KDM4C: variants seen among roughly 807,000 people sequenced by gnomAD.
KDM4C encodes lysine demethylase 4C, also known as lysine-specific demethylase 4C.
KDM4C carries 81 observed loss-of-function variants against 129.3 expected under a neutral mutation model. The ratio of observed to expected loss-of-function variants is 0.63; its 90% confidence interval spans 0.52 to 0.75. The LOEUF (loss-of-function observed/expected upper bound fraction) is 0.75. Ranked by LOEUF, KDM4C falls within the 30% of genes least tolerant of loss-of-function variation. The pLI is 0.00. For missense variants in KDM4C, 1,457 were observed against 1,304.0 expected (o/e 1.12, Z -1.81); for synonymous variants, 573 against 456.1 (o/e 1.26, Z -3.26).
chr9:7,006,188 T>A (rs1402427425), intron 12 of KDM4C, among the ~76,000 whole-genome samples: 3 of 152,210 alleles, frequency 2.0e-5, no homozygotes, highest in Non-Finnish European at 4.4e-5. Flanking sequence ...AGTAGAAAAC[T>A]TTTGGAGTTT....
At chr9:7,159,063 T>A (rs1016951310) in intron 19 of KDM4C, among the ~76,000 whole-genome samples, 6 of 152,186 alleles carry the variant, frequency 3.9e-5, no homozygotes, top group Non-Finnish European at 5.9e-5. Context: ...GTTAGCTCTT[T>A]TTGTTGAATT....
rs1395646827 is a variant in KDM4C, at chr9:6,851,816, G to C, written c.629+2116G>C. Among the ~76,000 whole-genome samples the C allele has an allele frequency of 2.0e-5, 3 of 152,116 alleles. 1 individual carries two copies. Among genetic ancestry groups the C allele is most frequent in the Admixed American group, 1.3e-4 (2 of 15,282 alleles). ...TCTGGTCAGGGCTAAGATGGATTCT[G>C]GTGTCTTGTGTCTTTGGGAAAGAGC... On this transcript the variant is annotated intron_variant, in intron 5 of 21. Transcript: ENST00000381309.
chr9:7,112,697 C>A (rs890344811), intron 18 of KDM4C, among the ~76,000 whole-genome samples: 1 of 152,160 alleles, frequency 6.6e-6, no homozygotes, highest in African/African-American at 2.4e-5. Flanking sequence ...CTTTCAGTTT[C>A]CTTTTTATTT....
chr9:6,747,357 C>G (rs1366128899), intron 1 of KDM4C, among the ~76,000 whole-genome samples: 4 of 151,574 alleles, frequency 2.6e-5, no homozygotes, highest in Admixed American at 6.6e-5. Flanking sequence ...ACCATCCTGG[C>G]TAATACGGTG....
chr9:6,978,091 G>GT (rs1192774457), intron 8 of KDM4C, among the ~76,000 whole-genome samples: 15 of 152,242 alleles, frequency 9.9e-5, no homozygotes, highest in Admixed American at 7.8e-4. Context: ...AGAACAAAAA[G>GT]TTTAATTCTA....
At chr9:7,082,818 A>T (rs1202818593) in intron 17 of KDM4C, among the ~76,000 whole-genome samples, 3 of 152,220 alleles carry the variant, frequency 2.0e-5, no homozygotes, top group African/African-American at 7.2e-5. Context: ...AAAGGGACTT[A>T]TGCCTTTTGT....
intron 17 of KDM4C, among the ~76,000 whole-genome samples, chr9:7,068,686 CTTTTTTTTTTTTTTTTTT>C (rs542039227): frequency 2.0e-5 from 2 of 101,766 alleles, no homozygotes; most frequent in Non-Finnish European, 3.8e-5. Context: ...GATGCCCTTT[CTTTTTTTTTTTTTTTTTT>C]TTTTTTTTTG....
intron 12 of KDM4C, among the ~76,000 whole-genome samples, chr9:7,007,699 T>C (rs1378322277): frequency 1.3e-5 from 2 of 152,202 alleles, no homozygotes; most frequent in Non-Finnish European, 2.9e-5. Flanking sequence ...TATGTTCTTA[T>C]CTCTTCTGAG....
At chr9:6,875,794 AATGCCTTGAGTTCTT>A (rs1412366716) in intron 5 of KDM4C, among the ~76,000 whole-genome samples, 2 of 152,162 alleles carry the variant, frequency 1.3e-5, no homozygotes, top group African/African-American at 4.8e-5. Context: ...TTACATGGAA[AATGCCTTGAGTTCTT>A]CCTGCAGTGC....
intron 11 of KDM4C, among the ~76,000 whole-genome samples, chr9:6,988,968 C>T (rs948063700): frequency 1.3e-5 from 2 of 152,084 alleles, no homozygotes; most frequent in Non-Finnish European, 2.9e-5. Flanking sequence ...ACGACTTATT[C>T]ATTTATTATG....
intron 17 of KDM4C, among the ~76,000 whole-genome samples, chr9:7,095,290 AG>A (rs1836291576): frequency 6.6e-6 from 1 of 152,258 alleles, no homozygotes; most frequent in Non-Finnish European, 1.5e-5. Flanking sequence ...AAAAAACGTC[AG>A]CAAACCACAG....
rs1032618028 is a variant in KDM4C at position 7,111,281 on chromosome 9, T to C, written c.2610+7411T>C. ...AAAATGCTCCAAAATCTGAAACTTT[T>C]TGAGTACCAACATGACACACAAAGG... On this transcript the variant is annotated intron_variant, in intron 18 of 21. Coordinates refer to ENST00000381309, the MANE Select transcript of KDM4C (RefSeq NM_015061.6). 2.0e-5 allele frequency among the ~76,000 whole-genome samples: 3 copies of C among 152,272 alleles called. No homozygotes were observed. The South Asian group carries it at 6.2e-4, about 32-fold the overall frequency.
chr9:6,992,645 C>G (rs2131939904), intron 12 of KDM4C, among the ~76,000 whole-genome samples: 1 of 152,248 alleles, frequency 6.6e-6, no homozygotes, highest in South Asian at 2.1e-4. Context: ...ATGTTGCTTG[C>G]AAAGTTGAAA....
chr9:6,972,149 T>A (rs1832090338), intron 8 of KDM4C, among the ~76,000 whole-genome samples: 1 of 151,944 alleles, frequency 6.6e-6, no homozygotes, highest in South Asian at 2.1e-4. Context: ...TATAGAAAGA[T>A]CAAGAGAGTG....
chr9:7,083,450 A>G (rs998984364), intron 17 of KDM4C, among the ~76,000 whole-genome samples: 2 of 152,076 alleles, frequency 1.3e-5, no homozygotes, highest in East Asian at 1.9e-4. Context: ...GTGCAAACAT[A>G]GAGTGTGCCT....
At chr9:7,031,580 A>G (rs1826783114) in intron 15 of KDM4C, among the ~76,000 whole-genome samples, 1 of 152,164 alleles carries the variant, frequency 6.6e-6, no homozygotes, top group African/African-American at 2.4e-5. Context: ...AGTGATTTTA[A>G]AAAAAACTAT....
intron 1 of KDM4C, among the ~76,000 whole-genome samples, chr9:6,768,337 ATTT>A (rs200541754): frequency 2.8e-5 from 4 of 142,616 alleles, no homozygotes; most frequent in Admixed American, 7.0e-5. Flanking sequence ...GCTGAACAGG[ATTT>A]TTTTTTTTTT....
At position 7,054,857 on chromosome 9, in the gene KDM4C, A is replaced by G. The variant is rs372516226; in HGVS notation, c.2424+5657A>G. Among the ~76,000 whole-genome samples the G allele has an allele frequency of 9.8e-5, 15 of 152,332 alleles. No individual in the cohort carries two copies. The East Asian group carries it at 1.7e-3, about 18-fold the overall frequency. ...TGCAACTATTAGTTTTAAATACTCT[A>G]TTTGGAGATAAAGTTTTCAAATAGG... On this transcript the variant is annotated intron_variant, in intron 17 of 21. Coordinates refer to ENST00000381309, the MANE Select transcript of KDM4C (RefSeq NM_015061.6).
intron 15 of KDM4C, among the ~76,000 whole-genome samples, chr9:7,026,769 T>A (rs922512653): frequency 3.3e-5 from 5 of 152,054 alleles, no homozygotes; most frequent in African/African-American, 1.2e-4. Context: ...TGTGCTTCAC[T>A]GGTTTTTATT....
Sources: allele counts gnomAD v4.1 joint callset (sites outside exome capture counted in the v4.1 genomes callset), GRCh38; gene constraint gnomAD v4.1.1; transcripts MANE v1.5; gene names NCBI Gene and HGNC (gene_info 2026-07-23, HGNC 2026-07-21).